The following KLHL22 variants were observed in gnomAD, a reference collection of about 807,000 sequenced individuals.
KLHL22 encodes kelch like family member 22.
A neutral mutation model predicts 60.7 loss-of-function variants in KLHL22; 18 were observed. The ratio of observed to expected loss-of-function variants is 0.30; its 90% CI spans 0.20 to 0.44. KLHL22 has a LOEUF of 0.44. Among genes scored for constraint, KLHL22 ranks in the 20% least tolerant of loss-of-function variants. The probability of loss-of-function intolerance (pLI) is 1.00; values close to 1 mark genes in which losing one functional copy is unlikely to be tolerated. For synonymous variants in KLHL22, 355 were observed against 354.5 expected, an observed-to-expected ratio of 1.00 and a Z score of -0.01; for missense variants, 596 against 852.3, an observed-to-expected ratio of 0.70 and a Z score of 3.74.
At position 20,465,105 on chromosome 22, in the gene KLHL22, G is replaced by A. The variant is rs866229227; in HGVS notation, c.865C>T (p.Pro289Ser). The A allele has an allele frequency of 1.2e-6, 2 of 1,613,932 alleles. No individual in the cohort carries two copies. Among genetic ancestry groups the A allele is most frequent in the Non-Finnish European group, 1.7e-6 (2 of 1,179,970 alleles). ...NESLQPSLQS[P>S]QTELRSDFQC... ...AAGTCCGACCGCAGCTCCGTTTGCG[G>A]GCTCTGCAGGCTGGGCTGTAGGCTC... The change falls in exon 4 of 7, where the codon CCG (proline) becomes TCG (serine). Residue 289 changes from proline to serine, a missense_variant. Coordinates refer to ENST00000328879, the MANE Select transcript of KLHL22 (RefSeq NM_032775.4). The surrounding 1 kb of genome is among the most constrained non-coding windows in gnomAD (Gnocchi z 4.9).
At chr22:20,488,784 C>T in intron 2 of KLHL22, 1 of 589,536 alleles carries the variant, frequency 1.7e-6, no homozygotes, top group South Asian at 2.1e-5. Flanking sequence ...AGGCAAAGCC[C>T]AAGAAACAGG....
At chr22:20,447,792 C>T (rs1040600704) in intron 5 of KLHL22, among the ~76,000 whole-genome samples, 8 of 152,156 alleles carry the variant, frequency 5.3e-5, no homozygotes, top group South Asian at 2.1e-4. Context: ...CCACCTGCCT[C>T]GGCCTTCCAA....
At chr22:20,456,637 G>A (rs962592815) in intron 5 of KLHL22, among the ~76,000 whole-genome samples, 8 of 152,350 alleles carry the variant, frequency 5.3e-5, no homozygotes, top group African/African-American at 1.7e-4. Flanking sequence ...ATGGGGGTAC[G>A]GAGTGTCCTT....
intron 1 of KLHL22, among the ~76,000 whole-genome samples, chr22:20,490,448 T>G (rs1051793247): frequency 2.6e-5 from 4 of 151,240 alleles, no homozygotes; most frequent in African/African-American, 9.9e-5. Flanking sequence ...AAAAACACAC[T>G]GTTTTTCCTC....
intron 6 of KLHL22, among the ~76,000 whole-genome samples, chr22:20,444,493 C>T (rs73156947): frequency 0.042 from 6,382 of 152,190 alleles, 209 homozygotes; most frequent in Non-Finnish European, 0.059. Flanking sequence ...CCAAGACCCA[C>T]CCTCAGGGCT....
intron 2 of KLHL22, chr22:20,483,697 C>T: frequency 2.7e-6 from 2 of 735,830 alleles, no homozygotes; most frequent in Non-Finnish European, 5.0e-6. Context: ...GATCTGAGCC[C>T]TCAGGTCCTC....
chr22:20,460,987 C>T (rs1291362069), intron 4 of KLHL22, among the ~76,000 whole-genome samples: 2 of 152,136 alleles, frequency 1.3e-5, no homozygotes, highest in Admixed American at 6.5e-5. Flanking sequence ...GCTTAGTGCC[C>T]GAGGCTACAG....
intron 1 of KLHL22, chr22:20,489,849 T>G: frequency 2.1e-6 from 1 of 468,580 alleles, no homozygotes; most frequent in South Asian, 1.6e-5. Context: ...CCTACTTTCC[T>G]TTACTGAAAT....
chr22:20,453,915 A>G (rs890207369), intron 5 of KLHL22, among the ~76,000 whole-genome samples: 23 of 151,790 alleles, frequency 1.5e-4, no homozygotes, highest in African/African-American at 5.6e-4. Flanking sequence ...TTGTATTTTT[A>G]GTAGAGATGG....
intron 5 of KLHL22, among the ~76,000 whole-genome samples, chr22:20,453,861 A>T (rs1287188445): frequency 6.6e-6 from 1 of 151,962 alleles, no homozygotes; most frequent in Non-Finnish European, 1.5e-5. Context: ...CAGCCTCCCC[A>T]GTAGCTGGGA....
At chr22:20,450,471 G>A (rs775791839) in intron 5 of KLHL22, 95 of 1,612,726 alleles carry the variant, frequency 5.9e-5, no homozygotes, top group Admixed American at 1.7e-4. Flanking sequence ...TGAAAGGTGT[G>A]AAACAAGCCT....
intron 1 of KLHL22, among the ~76,000 whole-genome samples, chr22:20,490,812 T>C (rs1248622695): frequency 1.3e-5 from 2 of 152,092 alleles, no homozygotes; most frequent in Non-Finnish European, 2.9e-5. Flanking sequence ...GGAGCTCAGG[T>C]GGTAATGCTG....
intron 2 of KLHL22, among the ~76,000 whole-genome samples, chr22:20,479,385 AAAAC>A (rs1054187673): frequency 6.6e-6 from 1 of 152,224 alleles, no homozygotes; most frequent in African/African-American, 2.4e-5. Flanking sequence ...AAAAAACAAC[AAAAC>A]AAACAAACAA....
At position 20,493,310 on chromosome 22, in the gene KLHL22, C is replaced by T. The variant is rs1601399651; in HGVS notation, c.-34+2450G>A. On this transcript the variant is annotated intron_variant, in intron 1 of 6. Coordinates refer to ENST00000328879, the MANE Select transcript of KLHL22 (RefSeq NM_032775.4). ...CCAATTTAAGAAACTTAGCTAGGGG[C>T]TAAGGGGGATATGCTGAAAAATGAA... 6.5e-6 allele frequency: 3 copies of T among 458,386 alleles called. No individual in the cohort carries two copies. In the East Asian group the frequency reaches 2.1e-4, roughly 32 times the overall value. 28.4% of individuals were successfully genotyped at this position (458,386 alleles called of 1,614,324 possible). A position where few individuals can be genotyped will look rare whatever the true frequency, so the allele number is the denominator to read the frequency against.
At chr22:20,445,412 T>C (rs192152136) in intron 6 of KLHL22, among the ~76,000 whole-genome samples, 35 of 152,172 alleles carry the variant, frequency 2.3e-4, no homozygotes, top group Admixed American at 2.3e-3. Context: ...TTCACCATCT[T>C]GGCCAAGCTG....
intron 5 of KLHL22, chr22:20,450,280 G>A (rs2052955101): frequency 1.0e-6 from 1 of 981,128 alleles, no homozygotes; most frequent in Non-Finnish European, 1.7e-6. Context: ...CTGGCTGCCT[G>A]TAGTGATTAC....
At chr22:20,475,689 G>A (rs2053400923) in intron 2 of KLHL22, among the ~76,000 whole-genome samples, 1 of 151,656 alleles carries the variant, frequency 6.6e-6, no homozygotes, top group African/African-American at 2.4e-5. Flanking sequence ...CCAGCCTCCC[G>A]AGTGGCTGGG....
chr22:20,469,959 C>A (rs1355408717), intron 3 of KLHL22, among the ~76,000 whole-genome samples: 1 of 152,084 alleles, frequency 6.6e-6, no homozygotes, highest in Non-Finnish European at 1.5e-5. Context: ...TGCACCCACA[C>A]CACTGAGAAT....
In KLHL22 at chr22:20,442,905, CA is replaced by C. The variant is rs1293369557; in HGVS notation, c.1540-468del. ...GCAGCACTCAACACAGGCAGTAGGA[CA>C]GGGGGAGGAGACAGAAAGTGGAAGT... is the stretch of plus-strand genomic sequence containing the variant. On this transcript the variant is annotated intron_variant, in intron 6 of 6. Transcript: ENST00000328879. Among the ~76,000 whole-genome samples, 74 of 152,340 alleles carry C rather than the reference CA, an allele frequency of 4.9e-4. 2 individuals carry two copies. The highest frequency in any genetic ancestry group is 2.4e-5 in the African/African-American group (1 of 41,574).
Sources: allele counts gnomAD v4.1 joint callset (sites outside exome capture counted in the v4.1 genomes callset), GRCh38; gene constraint gnomAD v4.1.1; non-coding constraint Gnocchi (gnomAD v3.1); transcripts MANE v1.5; gene names NCBI Gene and HGNC (gene_info 2026-07-23, HGNC 2026-07-21).